The following TXNRD2 variants were observed in gnomAD, a reference collection of about 807,000 sequenced individuals.
TXNRD2 encodes thioredoxin reductase 2, mitochondrial.
A neutral mutation model predicts 70.8 loss-of-function variants in TXNRD2; 67 were observed. The ratio of observed to expected loss-of-function variants is 0.95; its 90% CI spans 0.78 to 1.16. The LOEUF is 1.16. Among genes scored for constraint, TXNRD2 ranks in the 50% most tolerant of loss-of-function variants. The pLI is 0.00. For synonymous variants in TXNRD2, 301 were observed against 295.8 expected, an observed-to-expected ratio of 1.02 and a Z score of -0.18; for missense variants, 644 against 719.9, an observed-to-expected ratio of 0.89 and a Z score of 1.21.
At chr22:19,915,365 A>G in intron 6 of TXNRD2, 89 bp from the exon 7 acceptor site, 1 of 1,366,884 alleles carries the variant, frequency 7.3e-7, no homozygotes, top group Admixed American at 1.9e-5. Flanking sequence ...CTTGGCCAGC[A>G]GTTCCCACGG....
At position 19,878,082 on chromosome 22, in the gene TXNRD2, G is replaced by T. The variant is rs1476412194; in HGVS notation, c.1445+8C>A. On this transcript the variant is annotated splice_region_variant and intron_variant, in intron 16 of 17. Coordinates refer to ENST00000400521, the MANE Select transcript of TXNRD2 (RefSeq NM_006440.5). ...ATCGCATCGCAGCCTGCATTCCTCG[G>T]GACTTACTTGATCCCCAGAGCAAAT... The T allele has an allele frequency of 1.9e-6, 3 of 1,612,444 alleles. No individual in the cohort carries two copies. In the Admixed American group the frequency reaches 5.0e-5, roughly 27 times the overall value.
At chr22:19,881,771 C>T (rs992522794) in intron 12 of TXNRD2, among the ~76,000 whole-genome samples, 15 of 152,318 alleles carry the variant, frequency 9.8e-5, no homozygotes, top group African/African-American at 3.4e-4. Flanking sequence ...GACCACTGCA[C>T]CTACATGGTC....
intron 8 of TXNRD2, among the ~76,000 whole-genome samples, chr22:19,907,315 C>T (rs1227287843): frequency 5.6e-5 from 2 of 35,424 alleles, no homozygotes; most frequent in Non-Finnish European, 5.6e-5. Flanking sequence ...GCAGTGACCG[C>T]TCTCAGGAGA....
intron 1 of TXNRD2, among the ~76,000 whole-genome samples, chr22:19,940,943 T>C (rs1941690344): frequency 1.3e-5 from 2 of 152,156 alleles, no homozygotes; most frequent in Admixed American, 1.3e-4. Context: ...CCAGCCACCA[T>C]GCCTCCCATA....
At chr22:19,883,852 T>C (rs1046420644) in intron 11 of TXNRD2, 2 of 232,364 alleles carry the variant, frequency 8.6e-6, no homozygotes, top group African/African-American at 2.3e-5. Flanking sequence ...ACTCGGGAGG[T>C]TGAATCGCTT....
chr22:19,880,204 G>C lies in TXNRD2; in HGVS notation c.1250C>G (p.Ala417Gly), dbSNP rs1024569640. ...CTCAACATGCTCCTGCCCGTGGCGA[G>C]CCACTGCCTCCTCCTCGGACAGCCC... ...CVGLSEEEAV[A>G]RHGQEHVEVY... Residue 417 changes from alanine to glycine, a missense_variant, in exon 14 of 18, where the codon GCT becomes GGT. By Grantham distance (60) the Ala-to-Gly change is moderately conservative. Transcript: ENST00000400521. 1 of 1,613,600 alleles carries C rather than the reference G, an allele frequency of 6.2e-7. No individual in the cohort carries two copies. Among genetic ancestry groups the C allele is most frequent in the East Asian group, 2.2e-5 (1 of 44,888 alleles).
chr22:19,932,862 G>A (rs1220955297), intron 1 of TXNRD2, among the ~76,000 whole-genome samples: 1 of 152,210 alleles, frequency 6.6e-6, no homozygotes, highest in Non-Finnish European at 1.5e-5. Context: ...TCTGCCATGA[G>A]AAGGCTGCAC....
chr22:19,895,601 A>G lies in TXNRD2; in HGVS notation c.775-20T>C. 1 of 1,607,108 alleles carries G rather than the reference A, an allele frequency of 6.2e-7. No homozygotes were observed. Among genetic ancestry groups the G allele is most frequent in the Non-Finnish European group, 8.5e-7 (1 of 1,179,964 alleles). On this transcript the variant is annotated intron_variant, in intron 10 of 17. Coordinates refer to ENST00000400521, the MANE Select transcript of TXNRD2 (RefSeq NM_006440.5). ...CATTTGCTGCAAAGCACAAGAAGAC[A>G]GGCCATGAAGACCAGGTGGCCGTGG...
At chr22:19,925,731 C>T (rs1941114065) in intron 2 of TXNRD2, among the ~76,000 whole-genome samples, 1 of 151,828 alleles carries the variant, frequency 6.6e-6, no homozygotes, top group South Asian at 2.1e-4. Flanking sequence ...CTATAAAATG[C>T]TTAGAAGAAA....
intron 11 of TXNRD2, chr22:19,894,824 C>T (rs1039979140): frequency 7.5e-6 from 3 of 400,392 alleles, no homozygotes; most frequent in African/African-American, 6.3e-5. Flanking sequence ...CCCGTCTCTA[C>T]TAAAAATACA....
chr22:19,925,715 C>T (rs1941113705), intron 2 of TXNRD2, among the ~76,000 whole-genome samples: 1 of 151,852 alleles, frequency 6.6e-6, no homozygotes, highest in Non-Finnish European at 1.5e-5. Flanking sequence ...ACTGTAAGAG[C>T]TTGAACTATA....
At chr22:19,934,797 T>C (rs1488663387) in intron 1 of TXNRD2, among the ~76,000 whole-genome samples, 1 of 152,082 alleles carries the variant, frequency 6.6e-6, no homozygotes, top group Non-Finnish European at 1.5e-5. Context: ...CTCCTCACCT[T>C]GTGATATGGC....
Position 19,878,413 on chromosome 22 carries a change from G to A in TXNRD2, c.1300C>T (p.Leu434=). The A allele has an allele frequency of 1.9e-6, 3 of 1,613,788 alleles. No individual in the cohort carries two copies. The highest frequency in any genetic ancestry group is 2.5e-6 in the Non-Finnish European group (3 of 1,180,038). ...VEVYHAHYKP[L]EFTVAGRDAS... ...TCTCGTCCAGCCACCGTGAACTCCA[G>A]TGGTTTATAATGGGCGTGATAGACC... Residue 434 remains leucine, a synonymous_variant, in exon 15 of 18, where the codon CTG becomes TTG. Transcript: ENST00000400521.
Position 19,926,035 on chromosome 22 carries a change from T to C in TXNRD2, c.172+4995A>G, listed in dbSNP as rs557817924. On this transcript the variant is annotated intron_variant, in intron 2 of 17. Transcript: ENST00000400521. ...AAAATTAGCCAGGCGTGGTGGTGCA[T>C]GCCTGTAATCCCAGCTACTCAGGAG... Among the ~76,000 whole-genome samples, 11 of 151,592 alleles carry C rather than the reference T, an allele frequency of 7.3e-5. No individual in the cohort carries two copies. The South Asian group carries it at 2.1e-3, about 29-fold the overall frequency.
At chr22:19,891,832 T>G (rs536155439) in intron 11 of TXNRD2, 1 of 152,402 alleles carries the variant, frequency 6.6e-6, no homozygotes, top group South Asian at 2.1e-4. Context: ...CTGCTTTAAC[T>G]GCTAATATGT....
intron 8 of TXNRD2, among the ~76,000 whole-genome samples, chr22:19,901,496 C>T (rs773478314): frequency 6.6e-6 from 1 of 152,218 alleles, no homozygotes; most frequent in Non-Finnish European, 1.5e-5. Context: ...TGGGCCTCTT[C>T]TTGTTGTCAT....
intron 2 of TXNRD2, among the ~76,000 whole-genome samples, chr22:19,928,568 G>C (rs372858610): frequency 1.3e-5 from 2 of 152,190 alleles, no homozygotes; most frequent in South Asian, 2.1e-4. Flanking sequence ...ATGCAGAAGT[G>C]GGGGAAGCCG....
Position 19,880,159 on chromosome 22 carries a change from G to A in TXNRD2, c.1275+20C>T. On this transcript the variant is annotated intron_variant, in intron 14 of 17. Coordinates refer to ENST00000400521, the MANE Select transcript of TXNRD2 (RefSeq NM_006440.5). ...CGTGGAGTCGCCACTGTCCTCAGCT[G>A]TGCTGCTCCCAGGCCTCACCTCAAC... The A allele has an allele frequency of 1.2e-6, 2 of 1,611,558 alleles. No individual in the cohort carries two copies. The highest frequency in any genetic ancestry group is 1.7e-6 in the Non-Finnish European group (2 of 1,179,292).
At chr22:19,913,906 A>G (rs1940519922) in intron 7 of TXNRD2, among the ~76,000 whole-genome samples, 1 of 152,228 alleles carries the variant, frequency 6.6e-6, no homozygotes, top group African/African-American at 2.4e-5. Flanking sequence ...TTAGCTGACC[A>G]CTAAGCTAAC....
Sources: allele counts gnomAD v4.1 joint callset (sites outside exome capture counted in the v4.1 genomes callset), GRCh38; gene constraint gnomAD v4.1.1; transcripts MANE v1.5; gene names NCBI Gene and HGNC (gene_info 2026-07-23, HGNC 2026-07-21).